Variants in NEXN observed in about 807,000 individuals in gnomAD.
NEXN encodes the protein nexilin F-actin binding protein.
NEXN carries 65 observed loss-of-function variants against 92.6 expected under a neutral mutation model. The observed-to-expected ratio is 0.70, with a 90% CI of 0.57 to 0.86. NEXN has a LOEUF of 0.86. Among genes scored for constraint, NEXN ranks in the 40% least tolerant of loss-of-function variants. The probability of loss-of-function intolerance (pLI) is 0.00; values close to 1 mark genes in which losing one functional copy is unlikely to be tolerated. For synonymous variants in NEXN, 254 were observed against 242.5 expected (o/e 1.05, Z -0.44); for missense variants, 778 against 771.1 (o/e 1.01, Z -0.11).
chr1:77,908,493 C>T lies in NEXN; in HGVS notation c.-52-7562C>T, dbSNP rs531429417. ...TCAGCTTACAGCAACCTCTGCCTCC[C>T]GGGTTCAAGCAATTCTCCTGCCTCA... On this transcript the variant is annotated intron_variant, in intron 1 of 12. Transcript: ENST00000334785. Among the ~76,000 whole-genome samples the T allele has an allele frequency of 6.6e-5, 10 of 150,996 alleles. No individual in the cohort carries two copies. The South Asian group carries it at 1.1e-3, about 16-fold the overall frequency.
chr1:77,905,951 G>A (rs1239792787), intron 1 of NEXN, among the ~76,000 whole-genome samples: 1 of 152,104 alleles, frequency 6.6e-6, no homozygotes, highest in African/African-American at 2.4e-5. Flanking sequence ...GGGGTAAAAA[G>A]AGATGAGGCT....
In NEXN at chr1:77,942,678, A is replaced by G. The variant is rs1571175641; in HGVS notation, c.1877A>G (p.Glu626Gly). 6.2e-7 allele frequency: 1 copy of G among 1,613,786 alleles called. No homozygotes were observed. Among genetic ancestry groups the G allele is most frequent in the Admixed American group, 1.7e-5 (1 of 59,992 alleles). ...GAAGGAGAAATACTGCAGGATGGAGAAGACTATCAATATATTGAAAGGGGA... is the reference window on the plus strand; with the variant it reads ...GAAGGAGAAATACTGCAGGATGGAGGAGACTATCAATATATTGAAAGGGGA... The part of the protein sequence containing the change: ...WFEGEILQDG[E>G]DYQYIERGET... Residue 626 changes from glutamate (E) to glycine (G), a missense_variant, in exon 13 of 13, where the codon GAA (glutamate) becomes GGA (glycine). Glu to Gly is a moderately conservative substitution (Grantham distance 98). Around this residue, in one of 3 missense-constraint regions of NEXN, gnomAD observed 532 missense variants for 476.7 expected, o/e 1.12. Transcript: ENST00000334785.
At chr1:77,900,703 A>C (rs1647633721) in intron 1 of NEXN, among the ~76,000 whole-genome samples, 1 of 152,160 alleles carries the variant, frequency 6.6e-6, no homozygotes, top group Non-Finnish European at 1.5e-5. Context: ...GCCATTACTA[A>C]ATCTCTTTAT....
At chr1:77,934,382 C>A (rs979767915) in intron 10 of NEXN, among the ~76,000 whole-genome samples, 1 of 152,114 alleles carries the variant, frequency 6.6e-6, no homozygotes, top group African/African-American at 2.4e-5. Flanking sequence ...TTCTGGCAAG[C>A]GATCCTCTGA....
rs1260349042 is a variant in NEXN, at chr1:77,916,072, G to A, written c.-35G>A. The A allele has an allele frequency of 2.6e-6, 4 of 1,541,220 alleles. No individual in the cohort carries two copies. The Admixed American group carries it at 5.2e-5, about 20-fold the overall frequency. The stretch of plus-strand genomic sequence containing the variant: ...TTTTTCAGGTGCAAATATATACAGA[G>A]CTTCATAATCAGCCCAAGACCACAT... On this transcript the variant is annotated 5_prime_UTR_variant, in exon 2 of 13. Transcript: ENST00000334785.
At chr1:77,901,538 T>C (rs529528526) in intron 1 of NEXN, among the ~76,000 whole-genome samples, 1 of 152,252 alleles carries the variant, frequency 6.6e-6, no homozygotes, top group Non-Finnish European at 1.5e-5. Context: ...CTGTTTTCTC[T>C]CTCATCTTAT....
intron 5 of NEXN, among the ~76,000 whole-genome samples, chr1:77,923,236 C>T (rs933211362): frequency 2.7e-5 from 4 of 147,592 alleles, no homozygotes; most frequent in African/African-American, 5.0e-5. Flanking sequence ...TGGGCTCAAT[C>T]GGCCTGCCTC....
At chr1:77,898,821 A>G (rs1426078792) in intron 1 of NEXN, among the ~76,000 whole-genome samples, 1 of 152,208 alleles carries the variant, frequency 6.6e-6, no homozygotes, top group Non-Finnish European at 1.5e-5. Context: ...ACAAGAAAAA[A>G]ACAACCCCAT....
rs116691523 is a variant in NEXN, at chr1:77,904,486, A to G, written c.-52-11569A>G. On this transcript the variant is annotated intron_variant, in intron 1 of 12. Transcript: ENST00000334785. ...TGTTAAGAGAATGAAAAGTTGAATC[A>G]AAGGAACAGAGGATCTTTCAAACTT... Among the ~76,000 whole-genome samples the G allele has an allele frequency of 6.0e-3, 912 of 152,346 alleles. 6 individuals are homozygous for G. Among genetic ancestry groups the G allele is most frequent in the African/African-American group, 0.02 (845 of 41,590 alleles).
intron 1 of NEXN, among the ~76,000 whole-genome samples, chr1:77,896,742 G>A (rs943229045): frequency 6.6e-6 from 1 of 151,312 alleles, no homozygotes; most frequent in Non-Finnish European, 1.5e-5. Context: ...CTGGGTGACA[G>A]AGCAAGACTC....
intron 1 of NEXN, among the ~76,000 whole-genome samples, chr1:77,896,897 C>T (rs1432079721): frequency 1.3e-5 from 2 of 152,104 alleles, no homozygotes; most frequent in Non-Finnish European, 2.9e-5. Context: ...CGCAAATAAA[C>T]TAGAAAATCT....
In NEXN at chr1:77,943,124, C is replaced by A. The variant is rs1331484012; in HGVS notation, c.*295C>A. 5.2e-6 allele frequency: 2 copies of A among 382,898 alleles called. No individual in the cohort carries two copies. The highest frequency in any genetic ancestry group is 1.0e-5 in the Non-Finnish European group (2 of 200,172). 23.7% of individuals were successfully genotyped at this position (382,898 alleles called of 1,614,324 possible). On this transcript the variant is annotated 3_prime_UTR_variant, in exon 13 of 13. Transcript: ENST00000334785. ...AGATTTATCGCCTATTATGCAGTAA[C>A]AGTCAATAAAATGTACTTATGGGGG...
In NEXN at chr1:77,943,354, T is replaced by C. The variant is rs1034745626; in HGVS notation, c.*525T>C. 1 of 170,118 alleles carries C rather than the reference T, an allele frequency of 5.9e-6. No individual in the cohort carries two copies. Among genetic ancestry groups the C allele is most frequent in the African/African-American group, 2.4e-5 (1 of 41,506 alleles). 10.5% of individuals were successfully genotyped at this position (170,118 alleles called of 1,614,324 possible). A position where few individuals can be genotyped will look rare whatever the true frequency, so the allele number is the denominator to read the frequency against. ...TAGCTGAGATAATTAATTTGGAACC[T>C]ATCAATTTGAGTGGACTTTTTCTTT... On this transcript the variant is annotated 3_prime_UTR_variant, in exon 13 of 13. Transcript: ENST00000334785.
At chr1:77,922,188 G>A (rs976902346) in intron 5 of NEXN, among the ~76,000 whole-genome samples, 5 of 149,236 alleles carry the variant, frequency 3.4e-5, no homozygotes, top group Admixed American at 6.7e-5. Context: ...CACCCAGGCT[G>A]GAGTGCAGTG....
At chr1:77,929,789 A>C (rs534406143) in intron 9 of NEXN, among the ~76,000 whole-genome samples, 17 of 152,336 alleles carry the variant, frequency 1.1e-4, no homozygotes, top group Non-Finnish European at 5.9e-5. Flanking sequence ...CTAAGTATCC[A>C]AGGAAGAAGA....
At chr1:77,936,733 T>A (rs1446990896) in intron 11 of NEXN, among the ~76,000 whole-genome samples, 1 of 152,094 alleles carries the variant, frequency 6.6e-6, no homozygotes, top group Non-Finnish European at 1.5e-5. Context: ...GATCTAGAAA[T>A]TTTTTTTCTG....
At chr1:77,916,464 T>C (rs1648982179) in intron 2 of NEXN, among the ~76,000 whole-genome samples, 1 of 152,174 alleles carries the variant, frequency 6.6e-6, no homozygotes, top group African/African-American at 2.4e-5. Context: ...AAAACAAAGT[T>C]TGACCTATAC....
intron 1 of NEXN, among the ~76,000 whole-genome samples, chr1:77,889,753 A>G (rs980930690): frequency 2.6e-5 from 4 of 152,242 alleles, no homozygotes; most frequent in East Asian, 1.9e-4. Flanking sequence ...AAAAGAAGCC[A>G]TAATAAAGAA....
intron 11 of NEXN, among the ~76,000 whole-genome samples, chr1:77,939,561 T>C (rs903023194): frequency 7.9e-5 from 12 of 152,220 alleles, no homozygotes; most frequent in African/African-American, 2.7e-4. Flanking sequence ...TTAGCAGTTA[T>C]ACCTATACCT....
Sources: allele counts gnomAD v4.1 joint callset (sites outside exome capture counted in the v4.1 genomes callset), GRCh38; gene constraint gnomAD v4.1.1; regional missense constraint gnomAD v4.1.1; transcripts MANE v1.5; gene names NCBI Gene and HGNC (gene_info 2026-07-23, HGNC 2026-07-21).